Variants in ADAM32 observed in about 807,000 individuals in gnomAD.
The protein encoded by ADAM32 is ADAM metallopeptidase domain 32, also known as disintegrin and metalloproteinase domain-containing protein 32.
In ADAM32, 89 loss-of-function variants were observed where a neutral mutation model predicts 114.9. That is an observed-to-expected ratio of 0.77 (90% confidence interval 0.65 to 0.92). The LOEUF (loss-of-function observed/expected upper bound fraction) is 0.92, where lower values mean the gene tolerates loss of function less well. Among genes scored for constraint, ADAM32 ranks in the 40% least tolerant of loss-of-function variants. The pLI is 0.00. For synonymous variants in ADAM32, 285 were observed against 307.5 expected (o/e 0.93, Z 0.77); for missense variants, 870 against 932.8 (o/e 0.93, Z 0.88).
intron 10 of ADAM32, 35 bp from the exon 11 acceptor site, chr8:39,186,874 A>G (rs1389283352): frequency 6.6e-7 from 1 of 1,517,402 alleles, no homozygotes; most frequent in Non-Finnish European, 8.9e-7. Context: ...TTAGAGAATT[A>G]TCTTTCCTTA....
At chr8:39,126,158 T>G (rs1802103593) in intron 2 of ADAM32, among the ~76,000 whole-genome samples, 1 of 152,202 alleles carries the variant, frequency 6.6e-6, no homozygotes, top group East Asian at 1.9e-4. Flanking sequence ...CTTTGGGCTC[T>G]TTTTTGGTTC....
intron 1 of ADAM32, among the ~76,000 whole-genome samples, chr8:39,115,849 T>A (rs1840354014): frequency 6.6e-6 from 1 of 152,214 alleles, no homozygotes; most frequent in Non-Finnish European, 1.5e-5. Context: ...TGTCCTGGGT[T>A]TTCTTCTAAG....
intron 16 of ADAM32, among the ~76,000 whole-genome samples, chr8:39,238,641 A>T (rs1810354995): frequency 6.6e-6 from 1 of 152,228 alleles, no homozygotes; most frequent in Admixed American, 6.5e-5. Flanking sequence ...TCAAGGAGGC[A>T]CCAGAGAAAG....
At chr8:39,272,773 A>G (rs1812813709) in intron 20 of ADAM32, among the ~76,000 whole-genome samples, 1 of 152,164 alleles carries the variant, frequency 6.6e-6, no homozygotes, top group African/African-American at 2.4e-5. Context: ...TTACTTAAAA[A>G]TTTATTTCTT....
At chr8:39,141,058 G>A (rs922429373) in intron 3 of ADAM32, among the ~76,000 whole-genome samples, 3 of 151,808 alleles carry the variant, frequency 2.0e-5, no homozygotes, top group Non-Finnish European at 4.4e-5. Flanking sequence ...ATTTTTTATT[G>A]CATCTATTTG....
chr8:39,232,215 A>C, intron 15 of ADAM32, 80 bp downstream of exon 15: 1 of 1,139,170 alleles, frequency 8.8e-7, no homozygotes, highest in South Asian at 1.5e-5. Flanking sequence ...TGTGTCATTC[A>C]TTCCAGTGGT....
chr8:39,109,367 G>A (rs1366410572), intron 1 of ADAM32, among the ~76,000 whole-genome samples: 2 of 151,956 alleles, frequency 1.3e-5, no homozygotes, highest in African/African-American at 4.8e-5. Context: ...CCAACATGGT[G>A]AAACCCCATT....
At chr8:39,210,230 A>G (rs1449875637) in intron 11 of ADAM32, among the ~76,000 whole-genome samples, 1 of 152,156 alleles carries the variant, frequency 6.6e-6, no homozygotes, top group African/African-American at 2.4e-5. Flanking sequence ...GCAAAGTCCC[A>G]TGCACACTTC....
At chr8:39,222,986 C>A in intron 13 of ADAM32, 54 bp from the exon 14 acceptor site, 1 of 1,409,620 alleles carries the variant, frequency 7.1e-7, no homozygotes, top group Non-Finnish European at 9.5e-7. Context: ...TAAATATTAA[C>A]AAACAGTAAT....
chr8:39,189,048 GGTGCCAGTAATACTAGCA>G (rs771628803), intron 11 of ADAM32, among the ~76,000 whole-genome samples: 170 of 152,174 alleles, frequency 1.1e-3, no homozygotes, highest in Non-Finnish European at 1.9e-3. Context: ...CACTTTAGCA[GGTGCCAGTAATACTAGCA>G]GTGATTTACT....
chr8:39,198,381 C>T (rs1328021302), intron 11 of ADAM32, among the ~76,000 whole-genome samples: 1 of 151,876 alleles, frequency 6.6e-6, no homozygotes, highest in African/African-American at 2.4e-5. Flanking sequence ...TTTCATTCTT[C>T]CTCTTTTTTT....
At position 39,223,219 on chromosome 8, in the gene ADAM32, T is replaced by G; in HGVS notation, c.1506T>G (p.Cys502Trp). Residue 502 changes from cysteine (C) to tryptophan (W), a missense_variant, in exon 14 of 25, where the codon TGT becomes TGG. Cys to Trp is a radical substitution (Grantham distance 215). Transcript: ENST00000379907. The stretch of plus-strand genomic sequence containing the variant: ...ACTGCCATGATCTCGATGCACGTTG[T>G]GAGAGTGTATTTGGAAAAGGTAATA... ...DGDCHDLDAR[C>W]ESVFGKGSRN... 1 of 1,586,504 alleles carries G rather than the reference T, an allele frequency of 6.3e-7. No individual in the cohort carries two copies. Among genetic ancestry groups the G allele is most frequent in the South Asian group, 1.2e-5 (1 of 84,738 alleles).
chr8:39,163,136 A>G (rs1374750668), intron 7 of ADAM32, among the ~76,000 whole-genome samples: 1 of 152,242 alleles, frequency 6.6e-6, no homozygotes, highest in African/African-American at 2.4e-5. Context: ...CTATATATAC[A>G]CAGTTTAATA....
chr8:39,190,101 T>C (rs969104517), intron 11 of ADAM32, among the ~76,000 whole-genome samples: 3 of 152,240 alleles, frequency 2.0e-5, no homozygotes, highest in Non-Finnish European at 4.4e-5. Flanking sequence ...TATATCTTTA[T>C]GAGTTAAACT....
intron 16 of ADAM32, among the ~76,000 whole-genome samples, chr8:39,238,317 A>G (rs1810328688): frequency 6.6e-6 from 1 of 152,174 alleles, no homozygotes; most frequent in African/African-American, 2.4e-5. Flanking sequence ...GGCTAGACCC[A>G]GAAGAGCAGT....
chr8:39,258,018 G>A lies in ADAM32; in HGVS notation c.2162+675G>A, dbSNP rs116556278. ...TGTATCTTACATGTTTTTAATACAC[G>A]TGGCATTATCCATATCCCATAACCT... On this transcript the variant is annotated intron_variant, in intron 19 of 24. Coordinates refer to ENST00000379907, the MANE Select transcript of ADAM32 (RefSeq NM_145004.7). 5.2e-3 allele frequency among the ~76,000 whole-genome samples: 785 copies of A among 152,084 alleles called. 6 individuals are homozygous for A. The highest frequency in any genetic ancestry group is 0.018 in the African/African-American group (751 of 41,538).
chr8:39,107,986 T>G, intron 1 of ADAM32, 153 bp downstream of exon 1: 7 of 1,033,398 alleles, frequency 6.8e-6, no homozygotes, highest in Non-Finnish European at 4.0e-6. Context: ...CCCGTCCGGA[T>G]GGAGAAGCGA....
At chr8:39,201,539 G>A (rs1230618764) in intron 11 of ADAM32, among the ~76,000 whole-genome samples, 1 of 152,122 alleles carries the variant, frequency 6.6e-6, no homozygotes, top group African/African-American at 2.4e-5. Context: ...TGAGACGTTG[G>A]GGTTTTCTAG....
At chr8:39,174,966 T>G (rs1805431180) in intron 10 of ADAM32, among the ~76,000 whole-genome samples, 1 of 152,102 alleles carries the variant, frequency 6.6e-6, no homozygotes, top group Non-Finnish European at 1.5e-5. Context: ...GGGAGTTCAT[T>G]CATGATTTCA....
Sources: allele counts gnomAD v4.1 joint callset (sites outside exome capture counted in the v4.1 genomes callset), GRCh38; gene constraint gnomAD v4.1.1; transcripts MANE v1.5; gene names NCBI Gene and HGNC (gene_info 2026-07-23, HGNC 2026-07-21).